The following DNAL1 variants were observed in gnomAD, a reference collection of about 807,000 sequenced individuals.
The protein encoded by DNAL1 is dynein axonemal light chain 1, also known as chromosome 14 open reading frame 168.
In DNAL1, 17 loss-of-function variants were observed where a neutral mutation model predicts 29.4. The observed-to-expected ratio is 0.58, with a 90% confidence interval of 0.40 to 0.87. DNAL1 has a LOEUF of 0.87. Among genes scored for constraint, DNAL1 ranks in the 40% least tolerant of loss-of-function variants. The probability of loss-of-function intolerance (pLI) is 0.00; values close to 1 mark genes in which losing one functional copy is unlikely to be tolerated. For synonymous variants in DNAL1, 78 were observed against 76.3 expected, an observed-to-expected ratio of 1.02 and a Z score of -0.12; for missense variants, 188 against 214.1, an observed-to-expected ratio of 0.88 and a Z score of 0.76.
intron 5 of DNAL1, among the ~76,000 whole-genome samples, chr14:73,684,284 T>A (rs1891960465): frequency 6.6e-6 from 1 of 152,222 alleles, no homozygotes; most frequent in Non-Finnish European, 1.5e-5. Flanking sequence ...CTCTTCGACA[T>A]ACTGTTTTCA....
intron 5 of DNAL1, among the ~76,000 whole-genome samples, chr14:73,676,176 G>C (rs1361997756): frequency 6.6e-6 from 1 of 150,906 alleles, no homozygotes; most frequent in Non-Finnish European, 1.5e-5. Flanking sequence ...CGAGTTTGCA[G>C]TGAGTCGAGA....
rs1347805342 is a variant in DNAL1, at chr14:73,699,288, T to G, written c.*3346T>G. On this transcript the variant is annotated 3_prime_UTR_variant, in exon 8 of 8. Coordinates refer to ENST00000553645, the MANE Select transcript of DNAL1 (RefSeq NM_031427.4). The stretch of plus-strand genomic sequence containing the variant: ...ATCATGGATGGAAAGAAATGGTCAC[T>G]GGTATTTTTTGTAATGCTCATTTTT... The G allele has an allele frequency of 6.6e-6, 1 of 151,856 alleles. No homozygotes were observed. The highest frequency in any genetic ancestry group is 6.6e-5 in the Admixed American group (1 of 15,240). 9.4% of individuals were successfully genotyped at this position (151,856 alleles called of 1,614,324 possible).
chr14:73,684,356 T>C (rs1334061018), intron 5 of DNAL1, among the ~76,000 whole-genome samples: 1 of 152,206 alleles, frequency 6.6e-6, no homozygotes, highest in Non-Finnish European at 1.5e-5. Flanking sequence ...CTATTTTTAA[T>C]TTCCTGGGTA....
In DNAL1 at chr14:73,667,343, T is replaced by C. The variant is rs148164148; in HGVS notation, c.209-4199T>C. 9.9e-3 allele frequency among the ~76,000 whole-genome samples: 1,501 copies of C among 152,150 alleles called. 12 individuals are homozygous for C. Among genetic ancestry groups the C allele is most frequent in the Non-Finnish European group, 0.017 (1,167 of 67,990 alleles). On this transcript the variant is annotated intron_variant, in intron 4 of 7. Coordinates refer to ENST00000553645, the MANE Select transcript of DNAL1 (RefSeq NM_031427.4). The stretch of plus-strand genomic sequence containing the variant: ...AGCCAGGCATGGTGGCATGCGCCTA[T>C]AATCCCAGCTACTTGGGAGGCTGAG...
intron 4 of DNAL1, among the ~76,000 whole-genome samples, chr14:73,669,186 C>T (rs1220216528): frequency 6.6e-6 from 1 of 152,008 alleles, no homozygotes; most frequent in Non-Finnish European, 1.5e-5. Context: ...GTTACCCAGG[C>T]TAGAGTGTAG....
intron 5 of DNAL1, among the ~76,000 whole-genome samples, chr14:73,677,017 C>T (rs962368776): frequency 6.8e-6 from 1 of 146,214 alleles, no homozygotes; most frequent in African/African-American, 2.6e-5. Flanking sequence ...GTCGCCCAGG[C>T]TAGAGTGCAG....
chr14:73,677,864 T>TTATATA (rs35545274), intron 5 of DNAL1, among the ~76,000 whole-genome samples: 12 of 130,848 alleles, frequency 9.2e-5, no homozygotes, highest in Non-Finnish European at 1.3e-4. Flanking sequence ...GCCCATATAT[T>TTATATA]TATATATATA....
chr14:73,667,579 A>G (rs377043636), intron 4 of DNAL1, among the ~76,000 whole-genome samples: 27 of 151,916 alleles, frequency 1.8e-4, no homozygotes, highest in African/African-American at 6.5e-4. Flanking sequence ...GCTCACTGCA[A>G]CCTCTACCTC....
At position 73,700,740 on chromosome 14, in the gene DNAL1, T is replaced by G. The variant is rs1892416768; in HGVS notation, c.*4798T>G. On this transcript the variant is annotated 3_prime_UTR_variant, in exon 8 of 8. Coordinates refer to ENST00000553645, the MANE Select transcript of DNAL1 (RefSeq NM_031427.4). ...AAAACTGCTAAATTGCATGTTACCC[T>G]TTACTAGAAATTCATTCCTTTGGCA... The G allele has an allele frequency of 6.6e-6, 1 of 152,232 alleles. No individual in the cohort carries two copies. Among genetic ancestry groups the G allele is most frequent in the Non-Finnish European group, 1.5e-5 (1 of 68,044 alleles). 9.4% of individuals were successfully genotyped at this position (152,232 alleles called of 1,614,324 possible).
At chr14:73,695,523 GCTT>G (rs994061658) in intron 7 of DNAL1, among the ~76,000 whole-genome samples, 3 of 151,840 alleles carry the variant, frequency 2.0e-5, no homozygotes, top group African/African-American at 7.3e-5. Context: ...GTATCTCAGA[GCTT>G]CTCAGGTTTT....
chr14:73,648,541 G>T (rs1271748503), intron 1 of DNAL1, among the ~76,000 whole-genome samples: 1 of 150,548 alleles, frequency 6.6e-6, no homozygotes, highest in Non-Finnish European at 1.5e-5. Context: ...GCCCCTGCGA[G>T]TAGTTGGGAC....
At chr14:73,676,670 T>C (rs1253909839) in intron 5 of DNAL1, among the ~76,000 whole-genome samples, 1 of 152,190 alleles carries the variant, frequency 6.6e-6, no homozygotes. Flanking sequence ...CAGGTTTTTT[T>C]TTCTTGGGTG....
chr14:73,691,979 G>A (rs1439100622), intron 7 of DNAL1, among the ~76,000 whole-genome samples: 2 of 136,568 alleles, frequency 1.5e-5, no homozygotes, highest in East Asian at 2.3e-4. Context: ...TATAGGCGGT[G>A]AGCCACTGTG....
At chr14:73,650,933 A>G (rs1891099524) in intron 1 of DNAL1, among the ~76,000 whole-genome samples, 2 of 152,188 alleles carry the variant, frequency 1.3e-5, no homozygotes, top group Admixed American at 1.3e-4. Context: ...TGTGTCACCA[A>G]ACCCAGCTGC....
intron 5 of DNAL1, among the ~76,000 whole-genome samples, chr14:73,675,211 AAC>A (rs141910596): frequency 2.7e-4 from 39 of 146,816 alleles, no homozygotes; most frequent in Admixed American, 6.1e-4. Flanking sequence ...CTCACACACA[AAC>A]ACACACACAC....
chr14:73,687,198 A>C, intron 5 of DNAL1, 61 bp from the exon 6 acceptor site: 15 of 1,593,080 alleles, frequency 9.4e-6, no homozygotes, highest in Non-Finnish European at 1.3e-5. Context: ...TATCTTTATA[A>C]AGAAGAAGAC....
At chr14:73,655,361 TG>T (rs1891195128) in intron 2 of DNAL1, among the ~76,000 whole-genome samples, 4 of 151,072 alleles carry the variant, frequency 2.6e-5, no homozygotes, top group Admixed American at 2.0e-4. Context: ...TTTTTTTTTT[TG>T]AGACGGAGTT....
rs1891562162 is a variant in DNAL1, at chr14:73,669,307, T to C, written c.209-2235T>C. On this transcript the variant is annotated intron_variant, in intron 4 of 7. Transcript: ENST00000553645. ...CTAAACTTTTTTTTGAGAGGGAATCTTGCTCTGTCACCAGGCTAGAGTGCA... is the reference window on the plus strand; with the variant it reads ...CTAAACTTTTTTTTGAGAGGGAATCCTGCTCTGTCACCAGGCTAGAGTGCA... Among the ~76,000 whole-genome samples, 3 of 152,048 alleles carry C rather than the reference T, an allele frequency of 2.0e-5. 1 individual carries two copies. The South Asian group carries it at 6.2e-4, about 32-fold the overall frequency.
At chr14:73,677,426 C>T (rs552082306) in intron 5 of DNAL1, among the ~76,000 whole-genome samples, 2 of 151,906 alleles carry the variant, frequency 1.3e-5, no homozygotes, top group South Asian at 4.2e-4. Context: ...TGCCTCAAGT[C>T]TCCTGAGTAG....
Sources: gnomAD v4.1 joint callset for allele counts (sites outside exome capture counted in the v4.1 genomes callset) on GRCh38, gnomAD v4.1.1 for gene constraint, MANE v1.5 for transcripts, NCBI Gene and HGNC (gene_info 2026-07-23, HGNC 2026-07-21) for gene names.